Variants in RBFOX1 observed in about 807,000 individuals in gnomAD.
RBFOX1 encodes RNA binding fox-1 homolog 1, also known as RNA binding protein fox-1 homolog 1.
A neutral mutation model predicts 57.7 loss-of-function variants in RBFOX1; 8 were observed. The observed-to-expected ratio is 0.14, with a 90% CI of 0.08 to 0.25. The LOEUF is 0.25. Ranked by LOEUF, RBFOX1 falls within the 10% of genes least tolerant of loss-of-function variation. The pLI, the probability that RBFOX1 is intolerant of heterozygous loss-of-function variation, is 1.00. For synonymous variants in RBFOX1, 326 were observed against 222.4 expected, an observed-to-expected ratio of 1.47 and a Z score of -4.15; for missense variants, 611 against 548.5, an observed-to-expected ratio of 1.11 and a Z score of -1.14.
At chr16:5,464,218 A>G (rs759009052) in intron 1 of RBFOX1, among the ~76,000 whole-genome samples, 11 of 152,142 alleles carry the variant, frequency 7.2e-5, no homozygotes, top group Non-Finnish European at 1.2e-4. Flanking sequence ...GGCCAAGAGG[A>G]TGGTCCGTTG....
chr16:5,631,425 C>T (rs527548198), intron 3 of RBFOX1, among the ~76,000 whole-genome samples: 13 of 152,056 alleles, frequency 8.5e-5, no homozygotes, highest in South Asian at 4.2e-4. Flanking sequence ...GGTATGGTGG[C>T]GGGTGCTTGT....
chr16:7,710,954 G>C lies in RBFOX1; in HGVS notation c.*209G>C. 1.7e-6 allele frequency: 1 copy of C among 577,720 alleles called. No homozygotes were observed. The highest frequency in any genetic ancestry group is 5.6e-5 in the South Asian group (1 of 17,802). The allele number at this position is 577,720 out of a possible 1,614,324, so 35.8% of individuals were successfully genotyped here. On this transcript the variant is annotated 3_prime_UTR_variant, in exon 16 of 16. Transcript: ENST00000550418. ...TATTGTGGGTCTTTAATTTCTGAAG[G>C]TTCCGTAGTTTGGTTGCTGGCTGTA...
At chr16:7,433,099 G>A (rs899708688) in intron 4 of RBFOX1, among the ~76,000 whole-genome samples, 1 of 152,104 alleles carries the variant, frequency 6.6e-6, no homozygotes, top group African/African-American at 2.4e-5. Context: ...TGGGATAGTT[G>A]GGGTTGGTGT....
chr16:6,099,264 C>T (rs1416357449), intron 1 of RBFOX1, among the ~76,000 whole-genome samples: 4 of 152,102 alleles, frequency 2.6e-5, no homozygotes, highest in East Asian at 1.9e-4. Context: ...TAAACATTGG[C>T]CTGCTTTTTA....
At chr16:6,526,857 A>AAAAAAAAAAAAAAAAACAAC (rs1567560941) in intron 2 of RBFOX1, among the ~76,000 whole-genome samples, 1 of 130,352 alleles carries the variant, frequency 7.7e-6, no homozygotes, top group African/African-American at 3.6e-5. Context: ...AAAAAAAAAA[A>AAAAAAAAAAAAAAAAACAAC]AACAACCAGA....
At chr16:6,276,194 C>T (rs191600577) in intron 1 of RBFOX1, among the ~76,000 whole-genome samples, 5 of 152,158 alleles carry the variant, frequency 3.3e-5, no homozygotes, top group African/African-American at 1.2e-4. Flanking sequence ...TGGAAGGGAA[C>T]AAGTGATTTT....
intron 3 of RBFOX1, among the ~76,000 whole-genome samples, chr16:6,798,559 A>G (rs1486826638): frequency 1.3e-5 from 2 of 152,208 alleles, no homozygotes; most frequent in African/African-American, 2.4e-5. Context: ...AACTGCAGCC[A>G]TGCTAACTAA....
intron 1 of RBFOX1, among the ~76,000 whole-genome samples, chr16:6,062,631 A>ATATACATATAATATATAACT (rs2095703392): frequency 4.0e-5 from 6 of 148,576 alleles, no homozygotes; most frequent in Non-Finnish European, 8.9e-5. Context: ...TATATATAAC[A>ATATACATATAATATATAACT]TATACATATA....
chr16:5,259,850 C>G (rs1259902940), intron 1 of RBFOX1, among the ~76,000 whole-genome samples: 1 of 152,128 alleles, frequency 6.6e-6, no homozygotes, highest in East Asian at 1.9e-4. Flanking sequence ...CTGTTTAACA[C>G]CACGTGGGGG....
chr16:7,096,534 G>C (rs2061724222), intron 4 of RBFOX1, among the ~76,000 whole-genome samples: 1 of 152,066 alleles, frequency 6.6e-6, no homozygotes, highest in African/African-American at 2.4e-5. Flanking sequence ...TCTTGCACCT[G>C]GATTGAATTC....
intron 3 of RBFOX1, among the ~76,000 whole-genome samples, chr16:5,777,817 T>TTC (rs1419773143): frequency 7.9e-5 from 12 of 152,164 alleles, no homozygotes; most frequent in Admixed American, 5.2e-4. Context: ...CCTACTTAGC[T>TTC]CCTTTAAAAA....
At chr16:5,784,059 G>A (rs542845062) in intron 3 of RBFOX1, among the ~76,000 whole-genome samples, 54 of 152,282 alleles carry the variant, frequency 3.5e-4, no homozygotes, top group Non-Finnish European at 5.1e-4. Context: ...GGCTGTACGG[G>A]AAGCATAGAG....
chr16:5,398,917 G>C (rs867514109), intron 1 of RBFOX1, among the ~76,000 whole-genome samples: 37 of 152,338 alleles, frequency 2.4e-4, no homozygotes, highest in African/African-American at 8.7e-4. Context: ...AGCGGAGGCT[G>C]TGAACCAGAA....
At chr16:6,743,049 T>C (rs1274920321) in intron 3 of RBFOX1, among the ~76,000 whole-genome samples, 2 of 152,182 alleles carry the variant, frequency 1.3e-5, no homozygotes, top group Non-Finnish European at 2.9e-5. Context: ...ACTAGCAGGA[T>C]AGGGAAACAA....
intron 3 of RBFOX1, among the ~76,000 whole-genome samples, chr16:7,000,356 T>C (rs2092673648): frequency 6.6e-6 from 1 of 152,064 alleles, no homozygotes; most frequent in Non-Finnish European, 1.5e-5. Flanking sequence ...TCTCTCAAGT[T>C]TCTTTTATTA....
At chr16:5,944,234 G>T (rs1032962026) in intron 4 of RBFOX1, among the ~76,000 whole-genome samples, 1 of 152,170 alleles carries the variant, frequency 6.6e-6, no homozygotes, top group Non-Finnish European at 1.5e-5. Flanking sequence ...AGATACATGG[G>T]CTACACTCCT....
chr16:7,628,445 G>C (rs1290043506), intron 10 of RBFOX1, among the ~76,000 whole-genome samples: 2 of 152,128 alleles, frequency 1.3e-5, no homozygotes, highest in Non-Finnish European at 2.9e-5. Flanking sequence ...CTGTAGAGGG[G>C]ACTAACTGTC....
chr16:5,398,297 ATGTG>A lies in RBFOX1; in HGVS notation c.220-68912_220-68909del, dbSNP rs1248415346. ...TGCTGGTGTGTGTGCATGTGTGCTT[ATGTG>A]TGTGTGCATGTGTGCTCGTGTGCAT... On this transcript the variant is annotated intron_variant, in intron 1 of 2. Coordinates refer to the RBFOX1 transcript ENST00000585867. 2.0e-5 allele frequency among the ~76,000 whole-genome samples: 3 copies of A among 148,596 alleles called. No homozygotes were observed. In the East Asian group the frequency reaches 5.8e-4, roughly 29 times the overall value.
chr16:7,699,195 C>G (rs934632662), intron 14 of RBFOX1, among the ~76,000 whole-genome samples: 6 of 152,120 alleles, frequency 3.9e-5, no homozygotes, highest in African/African-American at 1.2e-4. Flanking sequence ...AATCAGGGAC[C>G]TTTTCTCTTT....
Sources: gnomAD v4.1 joint callset for allele counts (sites outside exome capture counted in the v4.1 genomes callset) on GRCh38, gnomAD v4.1.1 for gene constraint, MANE v1.5 for transcripts, NCBI Gene and HGNC (gene_info 2026-07-23, HGNC 2026-07-21) for gene names.